PVT1: variants seen among roughly 807,000 people sequenced by gnomAD.
PVT1 encodes CXCR4/PVT1 fusion.
chr8:127,922,596 T>A (rs1051519140), intron 3 of PVT1, among the ~76,000 whole-genome samples: 1 of 152,098 alleles, frequency 6.6e-6, no homozygotes, highest in African/African-American at 2.4e-5. Context: ...TCATTAGGGG[T>A]TTCTTTATGT....
chr8:127,853,811 C>CA (rs60387929), intron 2 of PVT1, among the ~76,000 whole-genome samples: 24,370 of 146,058 alleles, frequency 0.17, 2,155 homozygotes, highest in Admixed American at 0.26. Flanking sequence ...AACACTGTCT[C>CA]AAAAAAAAAA....
chr8:127,966,925 C>T (rs1693499048), intron 3 of PVT1, among the ~76,000 whole-genome samples: 1 of 152,128 alleles, frequency 6.6e-6, no homozygotes, highest in African/African-American at 2.4e-5. Flanking sequence ...GACTCCATGC[C>T]CCCTGTCACG....
intron 2 of PVT1, among the ~76,000 whole-genome samples, chr8:127,822,950 T>C (rs1372479560): frequency 6.6e-6 from 1 of 152,306 alleles, no homozygotes; most frequent in South Asian, 2.1e-4. Context: ...CATGATTGGA[T>C]TTCATGATCA....
At chr8:127,797,266 A>T (rs1814408220) in intron 2 of PVT1, among the ~76,000 whole-genome samples, 1 of 152,192 alleles carries the variant, frequency 6.6e-6, no homozygotes, top group African/African-American at 2.4e-5. Context: ...ATCTGACCTC[A>T]GGTGATCTGC....
intron 4 of PVT1, among the ~76,000 whole-genome samples, chr8:128,018,487 T>C (rs1390347133): frequency 1.3e-5 from 2 of 152,240 alleles, no homozygotes; most frequent in African/African-American, 4.8e-5. Flanking sequence ...AATGCCATTC[T>C]GTGTGCTTAT....
At chr8:127,827,434 A>T (rs937176497) in intron 2 of PVT1, among the ~76,000 whole-genome samples, 13 of 151,590 alleles carry the variant, frequency 8.6e-5, no homozygotes, top group Non-Finnish European at 1.8e-4. Context: ...CCTCTGGTTC[A>T]CCCCCTGGGG....
At chr8:127,863,148 G>C (rs1815247751) in intron 2 of PVT1, among the ~76,000 whole-genome samples, 1 of 151,534 alleles carries the variant, frequency 6.6e-6, no homozygotes, top group Non-Finnish European at 1.5e-5. Context: ...GTCTTGCTCT[G>C]TCACCCAGGC....
At chr8:128,026,037 C>A (rs918011773) in intron 4 of PVT1, among the ~76,000 whole-genome samples, 8 of 152,040 alleles carry the variant, frequency 5.3e-5, no homozygotes, top group African/African-American at 7.2e-5. Context: ...CTGCAACCTC[C>A]GCCTCCAGGG....
intron 2 of PVT1, among the ~76,000 whole-genome samples, chr8:127,868,787 A>ATATG: frequency 1.3e-5 from 1 of 75,164 alleles, no homozygotes; most frequent in African/African-American, 1.2e-4. Flanking sequence ...ATATATATAT[A>ATATG]TATATACATA....
At chr8:127,892,487 T>C (rs1815624033) in intron 3 of PVT1, among the ~76,000 whole-genome samples, 1 of 152,174 alleles carries the variant, frequency 6.6e-6, no homozygotes, top group African/African-American at 2.4e-5. Flanking sequence ...TGAGTATATA[T>C]ATGACTTAGC....
At chr8:127,863,098 AT>A (rs1044042386) in intron 2 of PVT1, among the ~76,000 whole-genome samples, 6 of 148,082 alleles carry the variant, frequency 4.1e-5, no homozygotes, top group Non-Finnish European at 7.4e-5. Context: ...TTATTTATTT[AT>A]TTATTTATTT....
chr8:127,832,676 G>C (rs901308301), intron 2 of PVT1, among the ~76,000 whole-genome samples: 3 of 152,148 alleles, frequency 2.0e-5, no homozygotes, highest in Non-Finnish European at 4.4e-5. Context: ...GGCTAACATG[G>C]TGAAACCCCA....
chr8:128,073,878 A>G (rs1347386069), intron 5 of PVT1, among the ~76,000 whole-genome samples: 1 of 151,924 alleles, frequency 6.6e-6, no homozygotes, highest in Non-Finnish European at 1.5e-5. Flanking sequence ...GATAAGTAGC[A>G]AAGATGAAAG....
chr8:127,875,798 T>G (rs1815398374), intron 2 of PVT1, among the ~76,000 whole-genome samples: 1 of 152,214 alleles, frequency 6.6e-6, no homozygotes, highest in Non-Finnish European at 1.5e-5. Flanking sequence ...ACCCTGAGTG[T>G]TTGGACCCCG....
At chr8:127,990,755 T>G (rs1254722676) in intron 4 of PVT1, among the ~76,000 whole-genome samples, 1 of 152,216 alleles carries the variant, frequency 6.6e-6, no homozygotes, top group East Asian at 1.9e-4. Context: ...TAGTCAGCAT[T>G]CCTGTGGCAT....
chr8:128,087,248 C>G (rs937458136), intron 5 of PVT1, among the ~76,000 whole-genome samples: 3 of 152,202 alleles, frequency 2.0e-5, no homozygotes, highest in African/African-American at 7.2e-5. Context: ...TTTAAACTCC[C>G]TTCCCTCGAT....
intron 3 of PVT1, among the ~76,000 whole-genome samples, chr8:127,945,916 T>C (rs1016034084): frequency 4.6e-5 from 7 of 152,200 alleles, no homozygotes; most frequent in Admixed American, 1.3e-4. Flanking sequence ...GAGAGACCCA[T>C]GAGCTCTCTG....
intron 2 of PVT1, among the ~76,000 whole-genome samples, chr8:127,802,900 G>A (rs1348796694): frequency 6.6e-6 from 1 of 152,070 alleles, no homozygotes; most frequent in Non-Finnish European, 1.5e-5. Flanking sequence ...GAAGAGACTC[G>A]CCCAGGAGGG....
chr8:128,021,625 G>A (rs904250517), intron 4 of PVT1, among the ~76,000 whole-genome samples: 2 of 152,052 alleles, frequency 1.3e-5, no homozygotes, highest in Non-Finnish European at 2.9e-5. Context: ...AGTATAATCA[G>A]TCCCCACAAA....
Sources: allele counts gnomAD v4.1 joint callset (sites outside exome capture counted in the v4.1 genomes callset), GRCh38; gene constraint gnomAD v4.1.1; transcripts MANE v1.5; gene names NCBI Gene and HGNC (gene_info 2026-07-23, HGNC 2026-07-21).